The following ZNF827 variants were observed in gnomAD, a reference collection of about 807,000 sequenced individuals.
ZNF827 encodes zinc finger protein 827.
In ZNF827, 13 loss-of-function variants were observed where a neutral mutation model predicts 102.4. The ratio of observed to expected loss-of-function variants is 0.13; its 90% confidence interval spans 0.08 to 0.20. The LOEUF (loss-of-function observed/expected upper bound fraction) is 0.20, where lower values mean the gene tolerates loss of function less well. ZNF827 is among the 10% of genes least tolerant of loss of function. The pLI, the probability that ZNF827 is intolerant of heterozygous loss-of-function variation, is 1.00. For missense variants in ZNF827, 1,103 were observed against 1,344.4 expected (o/e 0.82, Z 2.81); for synonymous variants, 523 against 536.2 (o/e 0.98, Z 0.34).
chr4:145,766,215 T>C (rs1477948794), intron 11 of ZNF827, among the ~76,000 whole-genome samples: 1 of 152,082 alleles, frequency 6.6e-6, no homozygotes, highest in Non-Finnish European at 1.5e-5. Flanking sequence ...CCAGGGTCCA[T>C]GCTCTTCATC....
intron 6 of ZNF827, among the ~76,000 whole-genome samples, chr4:145,847,028 C>T (rs1439198422): frequency 6.6e-6 from 1 of 151,796 alleles, no homozygotes; most frequent in Non-Finnish European, 1.5e-5. Context: ...ATGGCGCGTG[C>T]CTGTAGTCCC....
At chr4:145,911,495 T>C (rs1451278637) in intron 1 of ZNF827, among the ~76,000 whole-genome samples, 4 of 152,264 alleles carry the variant, frequency 2.6e-5, no homozygotes, top group Admixed American at 2.6e-4. Context: ...AAAACAGTAC[T>C]AGACCTATTA....
chr4:145,852,763 A>AT (rs1746665970), intron 5 of ZNF827, among the ~76,000 whole-genome samples: 1 of 151,990 alleles, frequency 6.6e-6, no homozygotes, highest in Non-Finnish European at 1.5e-5. Context: ...TTATTTATTT[A>AT]TTTTTTAAGA....
chr4:145,854,929 C>G (rs1383097068), intron 5 of ZNF827, among the ~76,000 whole-genome samples: 2 of 151,526 alleles, frequency 1.3e-5, no homozygotes, highest in Non-Finnish European at 2.9e-5. Context: ...ACTGAGCTCT[C>G]AGGGGAGTGC....
chr4:145,775,846 A>G lies in ZNF827; in HGVS notation c.2636T>C (p.Ile879Thr). 1 of 1,614,146 alleles carries G rather than the reference A, an allele frequency of 6.2e-7. No individual in the cohort carries two copies. The highest frequency in any genetic ancestry group is 8.5e-7 in the Non-Finnish European group (1 of 1,180,016). Residue 879 changes from isoleucine (I) to threonine (T), a missense_variant, in exon 10 of 15, where the codon ATT becomes ACT. By Grantham distance (89) the Ile-to-Thr change is moderately conservative. Coordinates refer to ENST00000508784, the MANE Select transcript of ZNF827 (RefSeq NM_001306215.2). ...GCCTTCAGAGGTGACGGCGCTGACAATGTCCTCGGTGTCTGTACTCACCAG... is the reference window on the plus strand; with the variant it reads ...GCCTTCAGAGGTGACGGCGCTGACAGTGTCCTCGGTGTCTGTACTCACCAG... ...VKLVSTDTED[I>T]VSAVTSEGSD...
rs537832563 is a variant in ZNF827 at position 145,761,694 on chromosome 4, C to T, written c.*18-96G>A. On this transcript the variant is annotated intron_variant, in intron 14 of 14. Transcript: ENST00000508784. The surrounding 1 kb of genome is among the most constrained non-coding windows in gnomAD (Gnocchi z 6.8). ...CACCAGCCTTCCCTCACACCACCCC[C>T]CAGTGTCTGAGGCCTGGCCTGCCCA... 1.2e-4 allele frequency: 93 copies of T among 781,636 alleles called. No homozygotes were observed. The highest frequency in any genetic ancestry group is 5.7e-4 in the South Asian group (34 of 59,316). 48.4% of individuals were successfully genotyped at this position (781,636 alleles called of 1,614,324 possible).
intron 7 of ZNF827, among the ~76,000 whole-genome samples, chr4:145,829,036 G>A (rs144653969): frequency 1.2e-3 from 185 of 152,210 alleles, no homozygotes; most frequent in African/African-American, 4.3e-3. Flanking sequence ...CATTTTGACA[G>A]CAATAACAAA....
At chr4:145,828,070 G>A (rs1743858961) in intron 7 of ZNF827, among the ~76,000 whole-genome samples, 2 of 152,146 alleles carry the variant, frequency 1.3e-5, no homozygotes, top group African/African-American at 2.4e-5. Context: ...GTTCCAGGAG[G>A]TACCGGACAC....
chr4:145,897,583 T>C (rs1310742729), intron 2 of ZNF827, among the ~76,000 whole-genome samples: 1 of 152,214 alleles, frequency 6.6e-6, no homozygotes, highest in Non-Finnish European at 1.5e-5. Flanking sequence ...TTAACAGAAT[T>C]TCTTTGTTAT....
At chr4:145,864,908 C>T (rs533395553) in intron 5 of ZNF827, among the ~76,000 whole-genome samples, 67 of 152,272 alleles carry the variant, frequency 4.4e-4, no homozygotes, top group African/African-American at 1.6e-3. Context: ...CATGTATTTT[C>T]CATCCGTATA....
At chr4:145,776,068 AT>A in intron 9 of ZNF827, 108 bp from the exon 10 acceptor site, 1 of 1,272,684 alleles carries the variant, frequency 7.9e-7, no homozygotes, top group Non-Finnish European at 1.1e-6. Context: ...TTCAAGTCAT[AT>A]TTCAGATGGA....
chr4:145,888,300 C>T (rs1262513438), intron 3 of ZNF827, among the ~76,000 whole-genome samples: 29 of 152,138 alleles, frequency 1.9e-4, no homozygotes, highest in Admixed American at 1.8e-3. Flanking sequence ...TCCTGACATT[C>T]GAGCACTTTT....
At chr4:145,837,154 A>G (rs1338276120) in intron 7 of ZNF827, among the ~76,000 whole-genome samples, 3 of 152,192 alleles carry the variant, frequency 2.0e-5, no homozygotes, top group Non-Finnish European at 4.4e-5. Context: ...CTGATAACAG[A>G]CGAGCCTTTA....
rs181560062 is a variant in ZNF827 at position 145,855,271 on chromosome 4, C to A, written c.1982-5710G>T. ...GCCTCTAAAAGCACTGCCAACTATG[C>A]CATGCTGACACCATTCACTTTCTAG... On this transcript the variant is annotated intron_variant, in intron 5 of 14. Transcript: ENST00000508784. Among the ~76,000 whole-genome samples, 481 of 152,302 alleles carry A rather than the reference C, an allele frequency of 3.2e-3. 2 individuals carry two copies. Among genetic ancestry groups the A allele is most frequent in the Non-Finnish European group, 3.8e-3 (260 of 68,034 alleles).
chr4:145,911,872 C>T (rs1036424612), intron 1 of ZNF827, among the ~76,000 whole-genome samples: 3 of 152,146 alleles, frequency 2.0e-5, no homozygotes, highest in African/African-American at 7.2e-5. Context: ...AATGAATGAA[C>T]AATCATGAAA....
chr4:145,760,971 G>A lies in ZNF827; in HGVS notation c.*645C>T, dbSNP rs1326577337. 1.6e-6 allele frequency: 2 copies of A among 1,242,058 alleles called. No individual in the cohort carries two copies. The highest frequency in any genetic ancestry group is 2.1e-6 in the Non-Finnish European group (2 of 966,490). 76.9% of individuals were successfully genotyped at this position (1,242,058 alleles called of 1,614,324 possible). ...TCCGGTACTTGTCAAAGCGCAAAGG[G>A]GAGCCGTTGAAGGCCAAAGCCTTGA... On this transcript the variant is annotated 3_prime_UTR_variant, in exon 15 of 15. Coordinates refer to ENST00000508784, the MANE Select transcript of ZNF827 (RefSeq NM_001306215.2).
At chr4:145,811,855 A>G (rs975363286) in intron 8 of ZNF827, among the ~76,000 whole-genome samples, 1 of 152,234 alleles carries the variant, frequency 6.6e-6, no homozygotes. Context: ...TTTGATAAAA[A>G]AGGTTCTTTA....
chr4:145,760,912 A>G lies in ZNF827; in HGVS notation c.*704T>C. 1 of 1,234,038 alleles carries G rather than the reference A, an allele frequency of 8.1e-7. No homozygotes were observed. The highest frequency in any genetic ancestry group is 1.0e-6 in the Non-Finnish European group (1 of 963,446). The allele number at this position is 1,234,038 out of a possible 1,614,324, so 76.4% of individuals were successfully genotyped here. A position where few individuals can be genotyped will look rare whatever the true frequency, so the allele number is the denominator to read the frequency against. ...ATCCAAGTGGTTCTTGGGGTATAAC[A>G]TTGTCAAGGGAATGAGATGGGCAAA... On this transcript the variant is annotated 3_prime_UTR_variant, in exon 15 of 15. Coordinates refer to ENST00000508784, the MANE Select transcript of ZNF827 (RefSeq NM_001306215.2).
intron 7 of ZNF827, among the ~76,000 whole-genome samples, chr4:145,838,691 C>G (rs1477965207): frequency 6.6e-6 from 1 of 151,872 alleles, no homozygotes; most frequent in African/African-American, 2.4e-5. Flanking sequence ...TAGGTGAAAA[C>G]AGAAGATTAT....
Sources: gnomAD v4.1 joint callset for allele counts (sites outside exome capture counted in the v4.1 genomes callset) on GRCh38, gnomAD v4.1.1 for gene constraint, Gnocchi (gnomAD v3.1) non-coding constraint, MANE v1.5 for transcripts, NCBI Gene and HGNC (gene_info 2026-07-23, HGNC 2026-07-21) for gene names.